FARP2: variants seen among roughly 807,000 people sequenced by gnomAD.
FARP2 encodes the protein FERM, ARH/RhoGEF and pleckstrin domain protein 2.
Under a neutral mutation model 130.5 loss-of-function variants are expected in FARP2, and 111 were observed. The observed-to-expected ratio is 0.85, with a 90% CI of 0.73 to 1.00. The LOEUF is 1.00. Among genes scored for constraint, FARP2 ranks in the 50% least tolerant of loss-of-function variants. FARP2 has a pLI of 0.00. For missense variants in FARP2, 1,385 were observed against 1,346.3 expected, an observed-to-expected ratio of 1.03 and a Z score of -0.45; for synonymous variants, 504 against 516.9, an observed-to-expected ratio of 0.98 and a Z score of 0.34.
intron 8 of FARP2, among the ~76,000 whole-genome samples, chr2:241,421,211 C>T (rs1559753686): frequency 6.6e-6 from 1 of 152,210 alleles, no homozygotes; most frequent in Non-Finnish European, 1.5e-5. Flanking sequence ...CCACTAGGAC[C>T]TTGGGTCCAA....
At chr2:241,416,123 G>T (rs1429486049) in intron 7 of FARP2, among the ~76,000 whole-genome samples, 2 of 151,924 alleles carry the variant, frequency 1.3e-5, no homozygotes, top group Non-Finnish European at 2.9e-5. Context: ...GTGTTTCTGT[G>T]TGTGGCTCAT....
chr2:241,425,759 T>TG (rs1559757590), intron 8 of FARP2, among the ~76,000 whole-genome samples: 5 of 148,824 alleles, frequency 3.4e-5, no homozygotes, highest in African/African-American at 1.2e-4. Context: ...TTTTTTTTTT[T>TG]TTGAGACAGA....
intron 2 of FARP2, among the ~76,000 whole-genome samples, chr2:241,393,023 T>TTC (rs1018774587): frequency 1.3e-5 from 2 of 151,772 alleles, no homozygotes; most frequent in South Asian, 4.2e-4. Context: ...GTTCTTTTTT[T>TTC]TCTCTCTCTT....
chr2:241,451,724 C>T (rs182427675), intron 13 of FARP2, among the ~76,000 whole-genome samples: 1 of 152,106 alleles, frequency 6.6e-6, no homozygotes, highest in Non-Finnish European at 1.5e-5. Context: ...GCACCTAAAA[C>T]TTGATATTTA....
At chr2:241,463,545 C>T (rs1316596423) in intron 16 of FARP2, 77 bp downstream of exon 16, 1 of 1,524,886 alleles carries the variant, frequency 6.6e-7, no homozygotes, top group African/African-American at 1.4e-5. Context: ...TTCCCAGCTT[C>T]AGAAACTAAT....
At chr2:241,468,521 G>T in intron 18 of FARP2, 144 bp downstream of exon 18, 3 of 650,336 alleles carry the variant, frequency 4.6e-6, no homozygotes, top group Non-Finnish European at 8.1e-6. Context: ...GGTCAGCATT[G>T]GCCCTGGCCT....
At chr2:241,443,566 C>G (rs2063443260) in intron 13 of FARP2, 1 of 152,310 alleles carries the variant, frequency 6.6e-6, no homozygotes, top group Non-Finnish European at 1.5e-5. Flanking sequence ...GCCATGGGCC[C>G]TGCTGGGTAC....
Position 241,493,005 on chromosome 2 carries a change from A to ACTT in FARP2, c.2867_2869dup (p.Phe956dup), listed in dbSNP as rs756027873. The stretch of plus-strand genomic sequence containing the variant: ...CAGAAGCTCTGGGTCGTCTTTACCA[A>ACTT]CTTCTGTTTGTTCTTCTACAAAACT... On this transcript the variant is annotated inframe_insertion, in exon 25 of 27. Transcript: ENST00000264042. The ACTT allele has an allele frequency of 3.1e-6, 5 of 1,609,400 alleles. No homozygotes were observed. In the African/African-American group the frequency reaches 6.7e-5, roughly 22 times the overall value.
At chr2:241,364,335 A>G (rs2061256446) in intron 1 of FARP2, among the ~76,000 whole-genome samples, 1 of 152,238 alleles carries the variant, frequency 6.6e-6, no homozygotes, top group Admixed American at 6.5e-5. Flanking sequence ...GACTTGAATG[A>G]GCCTGTAAGT....
At chr2:241,415,809 G>A (rs1426952430) in intron 7 of FARP2, among the ~76,000 whole-genome samples, 1 of 152,198 alleles carries the variant, frequency 6.6e-6, no homozygotes, top group Admixed American at 6.5e-5. Context: ...CACAGGAGCA[G>A]GTTTCTGAGC....
intron 2 of FARP2, among the ~76,000 whole-genome samples, chr2:241,374,079 A>T (rs1466780284): frequency 1.3e-5 from 2 of 151,018 alleles, no homozygotes; most frequent in Admixed American, 1.3e-4. Context: ...TGGTGCGATC[A>T]TGCCTCACTG....
intron 2 of FARP2, among the ~76,000 whole-genome samples, chr2:241,379,828 C>G (rs1183865272): frequency 6.6e-6 from 1 of 152,192 alleles, no homozygotes; most frequent in Non-Finnish European, 1.5e-5. Context: ...TTCTGGGATA[C>G]CAAGCTATTA....
At chr2:241,449,554 A>G (rs961008544) in intron 13 of FARP2, among the ~76,000 whole-genome samples, 2 of 152,254 alleles carry the variant, frequency 1.3e-5, no homozygotes, top group Non-Finnish European at 2.9e-5. Context: ...CTCTTTCATC[A>G]TCTAGTTAGA....
chr2:241,482,385 T>C lies in FARP2; in HGVS notation c.2263-1080T>C, dbSNP rs1404056166. Among the ~76,000 whole-genome samples, 1 of 152,148 alleles carries C rather than the reference T, an allele frequency of 6.6e-6. No homozygotes were observed. Among genetic ancestry groups the C allele is most frequent in the Non-Finnish European group, 1.5e-5 (1 of 68,028 alleles). ...CTGGGGTCTCTGAGGGTGATGCTGC[T>C]ACCTGTGGCTGGAAGGAACGGCCAC... On this transcript the variant is annotated intron_variant, in intron 19 of 26. Transcript: ENST00000264042. This position sits in a 1 kb window ranked among gnomAD's most constrained non-coding sequence, Gnocchi z 4.6.
intron 2 of FARP2, among the ~76,000 whole-genome samples, chr2:241,402,095 T>A (rs1385880270): frequency 6.6e-6 from 1 of 152,214 alleles, no homozygotes; most frequent in African/African-American, 2.4e-5. Flanking sequence ...CGGCCTATTT[T>A]ACCAATTCTT....
chr2:241,364,021 C>T (rs545658589), intron 1 of FARP2, among the ~76,000 whole-genome samples: 2 of 152,306 alleles, frequency 1.3e-5, no homozygotes, highest in South Asian at 4.2e-4. Context: ...TAGTGTTTAT[C>T]CTGGGAGTAT....
chr2:241,493,333 G>C lies in FARP2; in HGVS notation c.2936G>C (p.Ser979Thr). Residue 979 changes from serine to threonine, a missense_variant, in exon 26 of 27, where the codon AGC becomes ACC. Physicochemically the swap from Ser to Thr is moderately conservative, Grantham distance 58. Transcript: ENST00000264042. ...GCCAGCCTCCCGCTGCTGGGCTACAGCGTGAGCATCCCCAGGGAGGCCGAT... is the reference window on the plus strand; with the variant it reads ...GCCAGCCTCCCGCTGCTGGGCTACACCGTGAGCATCCCCAGGGAGGCCGAT... ...PLASLPLLGY[S>T]VSIPREADGI... 2 of 1,614,036 alleles carry C rather than the reference G, an allele frequency of 1.2e-6. No individual in the cohort carries two copies. The highest frequency in any genetic ancestry group is 1.7e-6 in the Non-Finnish European group (2 of 1,180,026).
chr2:241,451,599 A>T (rs945570764), intron 13 of FARP2, among the ~76,000 whole-genome samples: 2 of 152,188 alleles, frequency 1.3e-5, no homozygotes, highest in African/African-American at 4.8e-5. Flanking sequence ...ACTCAGAGCA[A>T]GACTGATTCT....
At chr2:241,409,786 C>T (rs1301365870) in intron 5 of FARP2, among the ~76,000 whole-genome samples, 1 of 152,046 alleles carries the variant, frequency 6.6e-6, no homozygotes. Context: ...TTTTCCATAT[C>T]GTATATAAAA....
Sources: gnomAD v4.1 joint callset for allele counts (sites outside exome capture counted in the v4.1 genomes callset) on GRCh38, gnomAD v4.1.1 for gene constraint, Gnocchi (gnomAD v3.1) non-coding constraint, MANE v1.5 for transcripts, NCBI Gene and HGNC (gene_info 2026-07-23, HGNC 2026-07-21) for gene names.